Variants in BSDC1 observed in about 807,000 individuals in gnomAD.
BSDC1 encodes the protein BSD domain containing 1, also known as BSD domain-containing protein 1.
Under a neutral mutation model 56.0 loss-of-function variants are expected in BSDC1, and 29 were observed. The observed-to-expected ratio is 0.52, with a 90% CI of 0.39 to 0.71. BSDC1 has a LOEUF of 0.71. Among genes scored for constraint, BSDC1 ranks in the 30% least tolerant of loss-of-function variants. The pLI, the probability that BSDC1 is intolerant of heterozygous loss-of-function variation, is 0.00. For missense variants in BSDC1, 477 were observed against 548.5 expected (o/e 0.87, Z 1.30); for synonymous variants, 210 against 215.3 (o/e 0.98, Z 0.21).
At chr1:32,373,499 T>C (rs1411052024) in intron 9 of BSDC1, among the ~76,000 whole-genome samples, 1 of 152,108 alleles carries the variant, frequency 6.6e-6, no homozygotes, top group Non-Finnish European at 1.5e-5. Flanking sequence ...ATCATTCTTA[T>C]CACTTCTTGC....
At chr1:32,379,333 T>A (rs985616119) in intron 5 of BSDC1, among the ~76,000 whole-genome samples, 1 of 152,176 alleles carries the variant, frequency 6.6e-6, no homozygotes, top group Non-Finnish European at 1.5e-5. Context: ...TCTGGCTTTT[T>A]ATTTTTTTTC....
chr1:32,382,332 G>C (rs563408626), intron 4 of BSDC1, among the ~76,000 whole-genome samples: 6 of 151,994 alleles, frequency 3.9e-5, no homozygotes, highest in Admixed American at 3.9e-4. Context: ...AGCTGAGCGT[G>C]GTGATGTGTG....
At chr1:32,387,947 T>C (rs994295817) in intron 2 of BSDC1, among the ~76,000 whole-genome samples, 6 of 152,202 alleles carry the variant, frequency 3.9e-5, no homozygotes, top group African/African-American at 7.2e-5. Flanking sequence ...GTTCTATTCA[T>C]ATACAAAGCT....
intron 9 of BSDC1, among the ~76,000 whole-genome samples, chr1:32,374,069 CA>C (rs1424458280): frequency 6.6e-6 from 1 of 152,198 alleles, no homozygotes; most frequent in African/African-American, 2.4e-5. Context: ...GACTATTTCA[CA>C]CTGAAATATT....
At chr1:32,372,784 C>A (rs1173836888) in intron 9 of BSDC1, among the ~76,000 whole-genome samples, 1 of 152,202 alleles carries the variant, frequency 6.6e-6, no homozygotes, top group Non-Finnish European at 1.5e-5. Flanking sequence ...TCACTCACAG[C>A]TCATTTTATT....
intron 3 of BSDC1, among the ~76,000 whole-genome samples, chr1:32,384,879 TGAA>T (rs1642612944): frequency 6.6e-6 from 1 of 152,058 alleles, no homozygotes; most frequent in African/African-American, 2.4e-5. Flanking sequence ...AATAAATGAA[TGAA>T]ATAAACAAGT....
intron 3 of BSDC1, among the ~76,000 whole-genome samples, chr1:32,386,045 C>A (rs192314387): frequency 1.3e-5 from 2 of 151,998 alleles, no homozygotes; most frequent in Non-Finnish European, 2.9e-5. Context: ...AAGGGCTGGG[C>A]GCGGTGGCTC....
At chr1:32,370,690 G>C (rs573715702) in intron 9 of BSDC1, among the ~76,000 whole-genome samples, 3 of 151,056 alleles carry the variant, frequency 2.0e-5, no homozygotes, top group African/African-American at 7.3e-5. Context: ...GTTAGTCCCA[G>C]CTACTCGGGA....
chr1:32,377,930 C>A (rs948367676), intron 8 of BSDC1, 40 bp downstream of exon 8: 2 of 1,578,486 alleles, frequency 1.3e-6, no homozygotes, highest in African/African-American at 1.3e-5. Flanking sequence ...GCGTCCCGCA[C>A]AGATGTGACA....
At chr1:32,385,823 TAACCTA>T (rs1380828754) in intron 3 of BSDC1, among the ~76,000 whole-genome samples, 2 of 152,198 alleles carry the variant, frequency 1.3e-5, no homozygotes, top group Non-Finnish European at 1.5e-5. Context: ...GTAAAAGGCT[TAACCTA>T]ACCACTCTGT....
In BSDC1 at chr1:32,376,480, G is replaced by A; in HGVS notation, c.938C>T (p.Ser313Phe). The A allele has an allele frequency of 6.2e-7, 1 of 1,612,186 alleles. No homozygotes were observed. The highest frequency in any genetic ancestry group is 8.5e-7 in the Non-Finnish European group (1 of 1,178,572). Reference protein sequence around the residue: ...KDLSQKLLEASLEEQGLAVDV... With the variant: ...KDLSQKLLEAFLEEQGLAVDV... ...CACAGCCAGGCCCTGTTCCTCCAAG[G>A]ATGCCTCTAGCAGCTTTTGGGACAG... The change falls in exon 9 of 11, where the codon TCC (serine) becomes TTC (phenylalanine). Residue 313 changes from serine (S) to phenylalanine (F), a missense_variant. Coordinates refer to ENST00000455895, the MANE Select transcript of BSDC1 (RefSeq NM_018045.8).
chr1:32,366,907 A>G, intron 10 of BSDC1: 1 of 1,228,506 alleles, frequency 8.1e-7, no homozygotes, highest in Non-Finnish European at 1.0e-6. Flanking sequence ...AACCAACACC[A>G]GACACCACAA....
intron 3 of BSDC1, 51 bp downstream of exon 3, chr1:32,386,728 C>G (rs745592857): frequency 2.5e-5 from 36 of 1,417,762 alleles, no homozygotes; most frequent in Non-Finnish European, 3.2e-5. Flanking sequence ...GAGCCCAGGA[C>G]AGGACAGGTT....
At chr1:32,379,021 G>C (rs750408057) in intron 5 of BSDC1, among the ~76,000 whole-genome samples, 182 bp from the exon 6 acceptor site, 3 of 152,190 alleles carry the variant, frequency 2.0e-5, no homozygotes, top group Non-Finnish European at 2.9e-5. Context: ...GTGATCTCCA[G>C]AAGGGGCTGC....
chr1:32,368,689 C>CA (rs1464138009), intron 9 of BSDC1, 139 bp from the exon 10 acceptor site: 5 of 1,250,272 alleles, frequency 4.0e-6, no homozygotes, highest in Non-Finnish European at 5.4e-6. Context: ...CACTCTGGCG[C>CA]ACCAATCGTA....
At chr1:32,381,413 C>T in intron 4 of BSDC1, 145 bp from the exon 5 acceptor site, 1 of 797,852 alleles carries the variant, frequency 1.3e-6, no homozygotes, top group African/African-American at 1.7e-5. Context: ...TTAATTAGCA[C>T]TGTGGCACAG....
At chr1:32,381,932 A>C (rs192056694) in intron 4 of BSDC1, among the ~76,000 whole-genome samples, 7 of 152,222 alleles carry the variant, frequency 4.6e-5, no homozygotes, top group African/African-American at 1.7e-4. Context: ...TTTTGGAACA[A>C]AAGTTCAATG....
At chr1:32,367,215 A>C in intron 10 of BSDC1, 1 of 985,496 alleles carries the variant, frequency 1.0e-6, no homozygotes, top group Non-Finnish European at 1.2e-6. Context: ...AAGTCTCCCC[A>C]CGGAACGTTT....
intron 2 of BSDC1, among the ~76,000 whole-genome samples, chr1:32,389,724 A>C (rs1642799108): frequency 6.6e-6 from 1 of 151,980 alleles, no homozygotes; most frequent in Non-Finnish European, 1.5e-5. Flanking sequence ...AAGCCGAGGC[A>C]GGAGGATTGC....
Sources: gnomAD v4.1 joint callset for allele counts (sites outside exome capture counted in the v4.1 genomes callset) on GRCh38, gnomAD v4.1.1 for gene constraint, MANE v1.5 for transcripts, NCBI Gene and HGNC (gene_info 2026-07-23, HGNC 2026-07-21) for gene names.